Variants in MEI4 observed in about 807,000 individuals in gnomAD.
MEI4 encodes the protein meiotic double-stranded break formation protein 4.
In MEI4, 27 loss-of-function variants were observed where a neutral mutation model predicts 31.4. That is an observed-to-expected ratio of 0.86 (90% CI 0.63 to 1.19). The LOEUF is 1.19. Ranked by LOEUF, MEI4 falls within the 50% of genes most tolerant of loss-of-function variation. The pLI is 0.00. For synonymous variants in MEI4, 122 were observed against 145.4 expected (o/e 0.84, Z 1.16); for missense variants, 329 against 398.9 (o/e 0.82, Z 1.49).
chr6:77,716,012 G>C, intron 2 of MEI4, among the ~76,000 whole-genome samples: 1 of 151,982 alleles, frequency 6.6e-6, no homozygotes, highest in South Asian at 2.1e-4. Flanking sequence ...CTGAACTTTT[G>C]TAATACGTTT....
upstream of MEI4, among the ~76,000 whole-genome samples, chr6:77,652,099 C>T (rs147217059): frequency 3.9e-5 from 6 of 152,212 alleles, no homozygotes; most frequent in African/African-American, 1.4e-4. Flanking sequence ...TTTATTATAA[C>T]AAAGCTAGCT....
At chr6:77,868,790 C>T (rs61457020) in intron 4 of MEI4, among the ~76,000 whole-genome samples, 3 of 152,012 alleles carry the variant, frequency 2.0e-5, no homozygotes, top group African/African-American at 7.2e-5. Flanking sequence ...ATCTAATCTA[C>T]CTATAGAGTA....
At chr6:77,817,437 T>C (rs1296919079) in intron 3 of MEI4, among the ~76,000 whole-genome samples, 2 of 152,072 alleles carry the variant, frequency 1.3e-5, no homozygotes, top group African/African-American at 4.8e-5. Flanking sequence ...ATGTTTAAAC[T>C]TTTGCTGACC....
In MEI4 at chr6:77,923,118, T is replaced by C. The variant is rs1361117272; in HGVS notation, c.930T>C (p.Tyr310=). The part of the protein sequence containing the change: ...QEQASYDVSR[Y]ENIFYLFWVL... ...AAGCCAGTTATGATGTGTCACGCTA[T>C]GAAAACATTTTCTACCTGTTCTGGG... is the stretch of plus-strand genomic sequence containing the variant. The change falls in exon 5 of 5, where the codon TAT becomes TAC. Residue 310 remains tyrosine, a synonymous_variant. Transcript: ENST00000684080. 1 of 1,230,428 alleles carries C rather than the reference T, an allele frequency of 8.1e-7. No homozygotes were observed. The highest frequency in any genetic ancestry group is 3.2e-5 in the East Asian group (1 of 31,640). The allele number at this position is 1,230,428 out of a possible 1,614,324, so 76.2% of individuals were successfully genotyped here. A position where few individuals can be genotyped will look rare whatever the true frequency, so the allele number is the denominator to read the frequency against.
At chr6:77,752,756 A>G (rs970120973) in intron 2 of MEI4, among the ~76,000 whole-genome samples, 1 of 152,176 alleles carries the variant, frequency 6.6e-6, no homozygotes, top group Non-Finnish European at 1.5e-5. Context: ...GAAAAAAACT[A>G]ATTTAAATTT....
chr6:77,711,466 A>G (rs777704961), intron 2 of MEI4, among the ~76,000 whole-genome samples: 24 of 152,166 alleles, frequency 1.6e-4, no homozygotes, highest in Admixed American at 2.0e-4. Flanking sequence ...GAAGGAACTG[A>G]TGTGGACCTT....
intron 4 of MEI4, among the ~76,000 whole-genome samples, chr6:77,829,305 G>A (rs1562004685): frequency 6.6e-6 from 1 of 152,164 alleles, no homozygotes; most frequent in East Asian, 1.9e-4. Flanking sequence ...TGCCATTGGT[G>A]ACAGCAAAAG....
At chr6:77,660,930 C>T (rs1420194422) in intron 1 of MEI4, among the ~76,000 whole-genome samples, 1 of 152,058 alleles carries the variant, frequency 6.6e-6, no homozygotes, top group East Asian at 1.9e-4. Context: ...AGGGTGTCTT[C>T]GTATGGCTGG....
rs188953927 is a variant in MEI4, at chr6:77,699,438, C to T, written c.232+8535C>T. 5.2e-3 allele frequency among the ~76,000 whole-genome samples: 787 copies of T among 151,858 alleles called. 9 individuals carry two copies. The highest frequency in any genetic ancestry group is 0.017 in the African/African-American group (704 of 41,342). ...CGATCTCCTGACCTCGTGATCCGCC[C>T]GCCTCGGCCTCCCAAAGTGCTGGGA... On this transcript the variant is annotated intron_variant, in intron 2 of 4. Transcript: ENST00000684080.
chr6:77,768,243 A>AT (rs922391866), intron 3 of MEI4, among the ~76,000 whole-genome samples: 139 of 151,696 alleles, frequency 9.2e-4, no homozygotes, highest in African/African-American at 2.9e-3. Flanking sequence ...AGTTTTCTAG[A>AT]TTTTTTTTTC....
chr6:77,821,799 CAAA>C (rs34905460), intron 3 of MEI4, among the ~76,000 whole-genome samples: 25,166 of 92,976 alleles, frequency 0.27, 2,479 homozygotes, highest in East Asian at 0.44. Context: ...GCCATCTCTC[CAAA>C]AAAAAAAAAA....
intron 3 of MEI4, among the ~76,000 whole-genome samples, chr6:77,799,347 T>C (rs1266409094): frequency 6.6e-6 from 1 of 152,200 alleles, no homozygotes; most frequent in Non-Finnish European, 1.5e-5. Flanking sequence ...GTTGTTTGTT[T>C]TTTTCTTCTA....
intron 3 of MEI4, among the ~76,000 whole-genome samples, chr6:77,790,085 A>C (rs1768874887): frequency 6.6e-6 from 1 of 151,976 alleles, no homozygotes; most frequent in Non-Finnish European, 1.5e-5. Flanking sequence ...ATAAAAAATG[A>C]TGAGTTCATG....
intron 3 of MEI4, among the ~76,000 whole-genome samples, chr6:77,779,602 G>T (rs1243796832): frequency 6.6e-6 from 1 of 152,124 alleles, no homozygotes; most frequent in Non-Finnish European, 1.5e-5. Flanking sequence ...CGTGCCTTTT[G>T]ATTGTTGTTT....
chr6:77,806,319 C>G (rs895805305), intron 3 of MEI4, among the ~76,000 whole-genome samples: 3 of 152,184 alleles, frequency 2.0e-5, no homozygotes, highest in East Asian at 3.9e-4. Flanking sequence ...CTCTCAGTGT[C>G]TATAATAGCA....
intron 3 of MEI4, among the ~76,000 whole-genome samples, chr6:77,818,752 G>A (rs999789603): frequency 1.8e-4 from 28 of 151,982 alleles, no homozygotes; most frequent in Non-Finnish European, 5.9e-5. Flanking sequence ...ATAGTGACAG[G>A]GTCTTGCTCT....
At chr6:77,891,109 C>A (rs1343081918) in intron 4 of MEI4, among the ~76,000 whole-genome samples, 1 of 152,168 alleles carries the variant, frequency 6.6e-6, no homozygotes, top group Non-Finnish European at 1.5e-5. Flanking sequence ...CTCTAACATG[C>A]ATTGGAAATG....
At chr6:77,802,971 A>C (rs1199289331) in intron 3 of MEI4, among the ~76,000 whole-genome samples, 1 of 151,864 alleles carries the variant, frequency 6.6e-6, no homozygotes, top group East Asian at 1.9e-4. Flanking sequence ...CTTCTCGAGG[A>C]GTATCTTTGT....
intron 4 of MEI4, among the ~76,000 whole-genome samples, chr6:77,879,946 C>CA (rs1169135215): frequency 1.3e-5 from 2 of 152,048 alleles, no homozygotes; most frequent in South Asian, 2.1e-4. Context: ...TAAACTATCT[C>CA]AAAAAATGCT....
Sources: allele counts gnomAD v4.1 joint callset (sites outside exome capture counted in the v4.1 genomes callset), GRCh38; gene constraint gnomAD v4.1.1; transcripts MANE v1.5; gene names NCBI Gene and HGNC (gene_info 2026-07-23, HGNC 2026-07-21).